The following ABI2 variants were observed in gnomAD, a reference collection of about 807,000 sequenced individuals.
ABI2 encodes the protein abelson interactor 2.
A neutral mutation model predicts 59.2 loss-of-function variants in ABI2; 25 were observed. The ratio of observed to expected loss-of-function variants is 0.42; its 90% CI spans 0.31 to 0.59. The LOEUF is 0.59. Among genes scored for constraint, ABI2 ranks in the 20% least tolerant of loss-of-function variants. The pLI is 0.14. For missense variants in ABI2, 545 were observed against 681.8 expected (o/e 0.80, Z 2.23); for synonymous variants, 213 against 235.5 (o/e 0.90, Z 0.87).
chr2:203,340,019 A>G (rs1344433702), intron 1 of ABI2, among the ~76,000 whole-genome samples: 1 of 152,218 alleles, frequency 6.6e-6, no homozygotes. Flanking sequence ...TCAACTGCAT[A>G]TGTAATAGAA....
chr2:203,367,465 G>T (rs1228219797), intron 2 of ABI2: 1 of 150,720 alleles, frequency 6.6e-6, no homozygotes, highest in Non-Finnish European at 1.5e-5. Flanking sequence ...TGCAATAATG[G>T]AAAGACTAGC....
chr2:203,373,933 C>T lies in ABI2; in HGVS notation c.286-6275C>T, dbSNP rs528832949. 5.3e-5 allele frequency among the ~76,000 whole-genome samples: 8 copies of T among 151,820 alleles called. No homozygotes were observed. The South Asian group carries it at 6.3e-4, about 12-fold the overall frequency. ...CAGCACTTTGGGAGGCTGAGGCAGG[C>T]GGATCCCTTGAGGTCAGGAGTTTGA... is the stretch of plus-strand genomic sequence containing the variant. On this transcript the variant is annotated intron_variant, in intron 2 of 11. Transcript: ENST00000261018.
intron 10 of ABI2, 141 bp from the exon 11 acceptor site, chr2:203,416,767 T>TA: frequency 1.1e-6 from 1 of 871,454 alleles, no homozygotes; most frequent in Non-Finnish European, 1.7e-6. Flanking sequence ...TGGGAAGACT[T>TA]ATCTTGCTCA....
At chr2:203,335,672 T>G (rs1383763002) in intron 1 of ABI2, among the ~76,000 whole-genome samples, 1 of 152,242 alleles carries the variant, frequency 6.6e-6, no homozygotes, top group Non-Finnish European at 1.5e-5. Context: ...GCAGTACTTT[T>G]CATATTTGCA....
chr2:203,390,781 A>G (rs562432702), intron 4 of ABI2, among the ~76,000 whole-genome samples: 1 of 152,318 alleles, frequency 6.6e-6, no homozygotes, highest in South Asian at 2.1e-4. Flanking sequence ...CTAACCAGTG[A>G]TCTGTTGGTG....
chr2:203,381,759 G>A (rs1171929066), intron 3 of ABI2, among the ~76,000 whole-genome samples: 1 of 152,086 alleles, frequency 6.6e-6, no homozygotes, highest in Non-Finnish European at 1.5e-5. Context: ...AAGACACTTA[G>A]AATATAAAAG....
intron 1 of ABI2, among the ~76,000 whole-genome samples, chr2:203,348,593 C>A (rs1317653153): frequency 6.6e-6 from 1 of 152,086 alleles, no homozygotes; most frequent in Non-Finnish European, 1.5e-5. Context: ...TAAAAACATT[C>A]AACAATAATG....
At position 203,391,032 on chromosome 2, in the gene ABI2, T is replaced by A. The variant is rs775631405; in HGVS notation, c.481-14T>A. 2.5e-6 allele frequency: 4 copies of A among 1,611,602 alleles called. No homozygotes were observed. The highest frequency in any genetic ancestry group is 1.7e-4 in the Middle Eastern group (1 of 6,058). Reference sequence around the variant, plus strand: ...TCACTGCATACAAGTTGAGTTTTCCTTAAAATTTTTTAGGTGAGTACCCAG... The same window carrying A: ...TCACTGCATACAAGTTGAGTTTTCCATAAAATTTTTTAGGTGAGTACCCAG... On this transcript the variant is annotated splice_polypyrimidine_tract_variant and intron_variant, in intron 4 of 11. Coordinates refer to ENST00000261018, the MANE Select transcript of ABI2 (RefSeq NM_001375670.1).
intron 1 of ABI2, among the ~76,000 whole-genome samples, chr2:203,345,694 C>G (rs1029648386): frequency 1.3e-5 from 2 of 151,198 alleles, no homozygotes; most frequent in Non-Finnish European, 1.5e-5. Flanking sequence ...CAGGCCTGAG[C>G]CACCACGCCC....
intron 1 of ABI2, 43 bp downstream of exon 1, chr2:203,328,674 C>G: frequency 1.4e-6 from 2 of 1,388,708 alleles, no homozygotes; most frequent in South Asian, 1.5e-5. Flanking sequence ...GACCCCCCCG[C>G]CGGGGGCCGC....
Position 203,420,046 on chromosome 2 carries a change from T to TA in ABI2, c.1453+2970dup, listed in dbSNP as rs2098129984. On this transcript the variant is annotated intron_variant, in intron 11 of 11. Coordinates refer to ENST00000261018, the MANE Select transcript of ABI2 (RefSeq NM_001375670.1). The stretch of plus-strand genomic sequence containing the variant: ...TTGTAATTCCCATTATATAGTTGAA[T>TA]AAAAAGAAGCCTAGGAAAGTTAAGT... Among the ~76,000 whole-genome samples, 3 of 152,160 alleles carry TA rather than the reference T, an allele frequency of 2.0e-5. No individual in the cohort carries two copies. The South Asian group carries it at 6.2e-4, about 31-fold the overall frequency.
At chr2:203,424,999 A>G (rs2098380098) in intron 11 of ABI2, among the ~76,000 whole-genome samples, 1 of 150,496 alleles carries the variant, frequency 6.6e-6, no homozygotes, top group Non-Finnish European at 1.5e-5. Context: ...AGCTGGGACC[A>G]CAGGCACGCG....
chr2:203,392,307 ACCACCAC>A (rs1559312828), intron 5 of ABI2, among the ~76,000 whole-genome samples: 2 of 82,324 alleles, frequency 2.4e-5, no homozygotes, highest in Admixed American at 1.4e-4. Flanking sequence ...CACCACCACC[ACCACCAC>A]CAACAACAAC....
intron 2 of ABI2, chr2:203,374,687 T>A (rs2095562595): frequency 2.7e-6 from 1 of 363,708 alleles, no homozygotes; most frequent in African/African-American, 2.1e-5. Context: ...GTTTTATGAA[T>A]GATACATAAT....
chr2:203,382,118 C>T, intron 3 of ABI2, 71 bp from the exon 4 acceptor site: 1 of 1,307,940 alleles, frequency 7.6e-7, no homozygotes, highest in Non-Finnish European at 1.0e-6. Context: ...CTCTTCACAT[C>T]CTGAAGTTTC....
At position 203,349,173 on chromosome 2, in the gene ABI2, C is replaced by T. The variant is rs558517574; in HGVS notation, c.118-17704C>T. On this transcript the variant is annotated intron_variant, in intron 1 of 11. Transcript: ENST00000261018. ...CGCAAGCTGGTCTCCAACTCCTGAA[C>T]TCAAACAGTCTGCCTGCCTTGGCTT... 6.5e-4 allele frequency among the ~76,000 whole-genome samples: 98 copies of T among 151,884 alleles called. 2 individuals are homozygous for T. In the South Asian group the frequency reaches 0.02, roughly 31 times the overall value.
At position 203,368,998 on chromosome 2, in the gene ABI2, T is replaced by A. The variant is rs890334474; in HGVS notation, c.285+1954T>A. Among the ~76,000 whole-genome samples the A allele has an allele frequency of 9.2e-4, 115 of 124,940 alleles. 2 individuals are homozygous for A. Among genetic ancestry groups the A allele is most frequent in the Non-Finnish European group, 1.3e-3 (80 of 59,764 alleles). 82.0% of individuals were successfully genotyped at this position (124,940 alleles called of 152,430 possible). A position where few individuals can be genotyped will look rare whatever the true frequency, so the allele number is the denominator to read the frequency against. ...ATGCTTGGCTGATTTTTTTTTTTTT[T>A]TTTTTTTTTTTTTTTTTTGTAGAGA... is the stretch of plus-strand genomic sequence containing the variant. On this transcript the variant is annotated intron_variant, in intron 2 of 11. Transcript: ENST00000261018.
In ABI2 at chr2:203,358,113, GTT is replaced by G. The variant is rs1491363866; in HGVS notation, c.118-8762_118-8761del. 6.0e-3 allele frequency among the ~76,000 whole-genome samples: 558 copies of G among 92,560 alleles called. 3 individuals carry two copies. The highest frequency in any genetic ancestry group is 0.013 in the African/African-American group (388 of 30,580). The allele number at this position is 92,560 out of a possible 152,430, so 60.7% of individuals were successfully genotyped here. On this transcript the variant is annotated intron_variant, in intron 1 of 11. Coordinates refer to ENST00000261018, the MANE Select transcript of ABI2 (RefSeq NM_001375670.1). ...TGTGTGTGTGTGTGTGTGTGTGTGT[GTT>G]TGTTTGTTTGTTTGTTTTTGAGACA...
At chr2:203,351,814 G>T in intron 1 of ABI2, 1 of 247,592 alleles carries the variant, frequency 4.0e-6, no homozygotes, top group Non-Finnish European at 8.0e-6. Flanking sequence ...GGTATTACAG[G>T]AGTGAACTAC....
Sources: gnomAD v4.1 joint callset for allele counts (sites outside exome capture counted in the v4.1 genomes callset) on GRCh38, gnomAD v4.1.1 for gene constraint, MANE v1.5 for transcripts, NCBI Gene and HGNC (gene_info 2026-07-23, HGNC 2026-07-21) for gene names.